Variants in SMYD3 observed in about 807,000 individuals in gnomAD.
The protein encoded by SMYD3 is SET and MYND domain containing 3.
In SMYD3, 36 loss-of-function variants were observed where a neutral mutation model predicts 57.7. The observed-to-expected ratio is 0.62, with a 90% CI of 0.48 to 0.82. The LOEUF (loss-of-function observed/expected upper bound fraction) is 0.82, where lower values mean the gene tolerates loss of function less well. Ranked by LOEUF, SMYD3 falls within the 40% of genes least tolerant of loss-of-function variation. SMYD3 has a pLI of 0.00. For synonymous variants in SMYD3, 211 were observed against 195.0 expected, an observed-to-expected ratio of 1.08 and a Z score of -0.68; for missense variants, 515 against 538.8, an observed-to-expected ratio of 0.96 and a Z score of 0.44.
At chr1:245,912,544 C>T (rs2055071685) in intron 8 of SMYD3, among the ~76,000 whole-genome samples, 1 of 151,986 alleles carries the variant, frequency 6.6e-6, no homozygotes, top group Non-Finnish European at 1.5e-5. Flanking sequence ...CCCCAAATAG[C>T]CAAGGCAATA....
At chr1:246,041,176 G>A (rs1190619167) in intron 5 of SMYD3, among the ~76,000 whole-genome samples, 1 of 152,192 alleles carries the variant, frequency 6.6e-6, no homozygotes, top group Non-Finnish European at 1.5e-5. Flanking sequence ...CAGGTGTATA[G>A]TGGGCTATAC....
At chr1:246,485,244 ATCACT>A (rs1339044567) in intron 1 of SMYD3, among the ~76,000 whole-genome samples, 1 of 152,102 alleles carries the variant, frequency 6.6e-6, no homozygotes, top group Non-Finnish European at 1.5e-5. Context: ...CTGAAAACAC[ATCACT>A]TCAACCAAAA....
At chr1:246,378,835 T>TA (rs1171190764) in intron 1 of SMYD3, among the ~76,000 whole-genome samples, 2 of 118,150 alleles carry the variant, frequency 1.7e-5, no homozygotes, top group African/African-American at 6.5e-5. Context: ...ATAGTATATA[T>TA]AATTATATAT....
At chr1:245,958,151 C>G (rs114428464) in intron 5 of SMYD3, among the ~76,000 whole-genome samples, 13 of 152,104 alleles carry the variant, frequency 8.5e-5, no homozygotes, top group Non-Finnish European at 1.9e-4. Context: ...ATTTCACAAA[C>G]GAGGCTTCTA....
chr1:246,077,620 A>G lies in SMYD3; in HGVS notation c.532-147683T>C, dbSNP rs73137881. Among the ~76,000 whole-genome samples, 1,485 of 152,264 alleles carry G rather than the reference A, an allele frequency of 9.8e-3. 19 individuals carry two copies. The highest frequency in any genetic ancestry group is 0.033 in the African/African-American group (1,384 of 41,546). On this transcript the variant is annotated intron_variant, in intron 5 of 11. Coordinates refer to ENST00000490107, the MANE Select transcript of SMYD3 (RefSeq NM_001167740.2). ...GGAAAAGGTCATAAAACAGTGCAAA[A>G]TAACACCACAGGACTAAAAAAAGAT...
chr1:245,893,302 G>T (rs1325666073), intron 8 of SMYD3, among the ~76,000 whole-genome samples: 3 of 152,122 alleles, frequency 2.0e-5, no homozygotes, highest in African/African-American at 7.2e-5. Context: ...AAAAAGTGCA[G>T]CAATTTCTTA....
intron 11 of SMYD3, among the ~76,000 whole-genome samples, chr1:245,751,134 C>CATTA: frequency 6.6e-6 from 1 of 152,274 alleles, no homozygotes; most frequent in East Asian, 1.9e-4. Context: ...GCTTATAAAC[C>CATTA]ATTATTTACT....
chr1:246,124,200 C>T (rs972820501), intron 5 of SMYD3, among the ~76,000 whole-genome samples: 3 of 152,114 alleles, frequency 2.0e-5, no homozygotes, highest in African/African-American at 7.2e-5. Flanking sequence ...TACCTTTAGC[C>T]TGTGTTCTAG....
At position 246,186,683 on chromosome 1, in the gene SMYD3, G is replaced by A. The variant is rs11811466; in HGVS notation, c.531+140518C>T. On this transcript the variant is annotated intron_variant, in intron 5 of 11. Transcript: ENST00000490107. ...GAGACAATGAAAACTTGACCTGTGA[G>A]AGTCTGGCACTGTCAATGTCCACAG... 377 of 909,216 alleles carry A rather than the reference G, an allele frequency of 4.1e-4. 2 individuals are homozygous for A. The African/African-American group carries it at 6.1e-3, about 15-fold the overall frequency. The allele number at this position is 909,216 out of a possible 1,614,324, so 56.3% of individuals were successfully genotyped here.
At chr1:246,147,835 T>G (rs957699927) in intron 5 of SMYD3, among the ~76,000 whole-genome samples, 2 of 151,954 alleles carry the variant, frequency 1.3e-5, no homozygotes, top group African/African-American at 4.8e-5. Context: ...CTTTACTGAG[T>G]TGGTGGAGCG....
intron 5 of SMYD3, among the ~76,000 whole-genome samples, chr1:246,058,265 C>G (rs2148345840): frequency 6.6e-6 from 1 of 152,238 alleles, no homozygotes; most frequent in Middle Eastern, 3.4e-3. Context: ...TCAGCTGTCA[C>G]AAATGTCCCA....
intron 5 of SMYD3, among the ~76,000 whole-genome samples, chr1:246,121,615 G>A (rs901855168): frequency 2.0e-5 from 3 of 152,110 alleles, no homozygotes; most frequent in African/African-American, 7.2e-5. Flanking sequence ...AAATAGCAGT[G>A]TTGATTATCT....
At chr1:246,189,891 A>C (rs1281470329) in intron 5 of SMYD3, among the ~76,000 whole-genome samples, 1 of 152,248 alleles carries the variant, frequency 6.6e-6, no homozygotes, top group Non-Finnish European at 1.5e-5. Flanking sequence ...ACGTGTCTCT[A>C]AAAGCAACAT....
intron 1 of SMYD3, among the ~76,000 whole-genome samples, chr1:246,447,385 A>G (rs953226674): frequency 1.3e-5 from 2 of 152,234 alleles, no homozygotes; most frequent in East Asian, 1.9e-4. Context: ...CAACTTCTTC[A>G]AGACAGAAAA....
intron 5 of SMYD3, among the ~76,000 whole-genome samples, chr1:246,019,296 C>T (rs762562532): frequency 6.6e-6 from 1 of 152,154 alleles, no homozygotes; most frequent in South Asian, 2.1e-4. Context: ...ACAAGACAGC[C>T]CCCACGACCA....
intron 2 of SMYD3, among the ~76,000 whole-genome samples, chr1:246,341,711 G>A (rs770622609): frequency 4.6e-5 from 7 of 152,088 alleles, no homozygotes; most frequent in Non-Finnish European, 7.4e-5. Context: ...TCTTTCTTAC[G>A]CAAAATAACA....
Position 246,327,254 on chromosome 1 carries a change from G to A in SMYD3, c.478C>T (p.Gln160Ter). 6.2e-7 allele frequency: 1 copy of A among 1,614,082 alleles called. No homozygotes were observed. Among genetic ancestry groups the A allele is most frequent in the Non-Finnish European group, 8.5e-7 (1 of 1,179,968 alleles). ...GCAGGTGGCAGCTGAGAGGCATCCTGTATTTCTTCTCTCATGAAATGTTGA... is the reference window on the plus strand; with the variant it reads ...GCAGGTGGCAGCTGAGAGGCATCCTATATTTCTTCTCTCATGAAATGTTGA... ...TFQHFMREEI[Q>*]DASQLPPAFD... Residue 160 changes from glutamine (Q) to a stop codon, truncating the protein, a stop_gained, in exon 5 of 12, where the codon CAG becomes TAG. Coordinates refer to ENST00000490107, the MANE Select transcript of SMYD3 (RefSeq NM_001167740.2). LOFTEE classifies it high-confidence loss of function.
intron 1 of SMYD3, among the ~76,000 whole-genome samples, chr1:246,474,623 T>C (rs1331485119): frequency 3.3e-5 from 5 of 151,764 alleles, no homozygotes; most frequent in East Asian, 1.9e-4. Flanking sequence ...ATTCTATGTA[T>C]AGAAATACAA....
chr1:245,879,449 G>A (rs973562236), intron 8 of SMYD3, among the ~76,000 whole-genome samples: 5 of 152,212 alleles, frequency 3.3e-5, no homozygotes, highest in African/African-American at 7.2e-5. Flanking sequence ...AGAGGACAAC[G>A]CTGAGTAACC....
Sources: gnomAD v4.1 joint callset for allele counts (sites outside exome capture counted in the v4.1 genomes callset) on GRCh38, gnomAD v4.1.1 for gene constraint, MANE v1.5 for transcripts, NCBI Gene and HGNC (gene_info 2026-07-23, HGNC 2026-07-21) for gene names.